CTCF: variants seen among roughly 807,000 people sequenced by gnomAD.
The protein encoded by CTCF is transcriptional repressor CTCF.
Under a neutral mutation model 72.3 loss-of-function variants are expected in CTCF, and 7 were observed. The observed-to-expected ratio is 0.10, with a 90% CI of 0.06 to 0.18. The LOEUF (loss-of-function observed/expected upper bound fraction) is 0.18, where lower values mean the gene tolerates loss of function less well. Among genes scored for constraint, CTCF ranks in the 10% least tolerant of loss-of-function variants. CTCF has a pLI of 1.00. For missense variants in CTCF, 516 were observed against 949.1 expected, an observed-to-expected ratio of 0.54 and a Z score of 6.00; for synonymous variants, 374 against 315.8, an observed-to-expected ratio of 1.18 and a Z score of -1.95.
chr16:67,619,826 G>A (rs1018799432), intron 5 of CTCF, among the ~76,000 whole-genome samples: 3 of 151,934 alleles, frequency 2.0e-5, no homozygotes, highest in East Asian at 3.9e-4. Context: ...TCAAGCAATC[G>A]CACGCCTTGG....
At position 67,562,736 on chromosome 16, in the gene CTCF, C is replaced by G. The variant is rs927736463; in HGVS notation, c.-127+12C>G. The G allele has an allele frequency of 4.8e-5, 7 of 145,392 alleles. No homozygotes were observed. Among genetic ancestry groups the G allele is most frequent in the Non-Finnish European group, 1.1e-4 (7 of 66,094 alleles). 9.0% of individuals were successfully genotyped at this position (145,392 alleles called of 1,614,324 possible). A position where few individuals can be genotyped will look rare whatever the true frequency, so the allele number is the denominator to read the frequency against. On this transcript the variant is annotated intron_variant, in intron 1 of 11. Coordinates refer to ENST00000264010, the MANE Select transcript of CTCF (RefSeq NM_006565.4). ...GGTGTGGCGCGGAGGTAAGGGGGCC[C>G]GGGGTGGAGGAGGTTTCGCGGGCCG...
At chr16:67,588,413 G>T (rs536839500) in intron 2 of CTCF, among the ~76,000 whole-genome samples, 1 of 152,246 alleles carries the variant, frequency 6.6e-6, no homozygotes, top group Non-Finnish European at 1.5e-5. Flanking sequence ...CTGCTTCCAG[G>T]GATATGGGTC....
In CTCF at chr16:67,612,057, C is replaced by T. The variant is rs1215273013; in HGVS notation, c.888C>T (p.Cys296=). 26 of 1,613,986 alleles carry T rather than the reference C, an allele frequency of 1.6e-5. No individual in the cohort carries two copies. The Middle Eastern group carries it at 4.9e-4, about 31-fold the overall frequency. ...KSHTDERPHK[C]HLCGRAFRTV... is the part of the protein sequence containing the mutation. ...ACACTGATGAGAGACCACACAAGTG[C>T]CATCTCTGTGGCAGGGCATTCAGAA... The change falls in exon 4 of 12, where the codon TGC becomes TGT. Residue 296 remains cysteine (C), a synonymous_variant. Transcript: ENST00000264010.
chr16:67,602,498 GA>G (rs2051906058), intron 2 of CTCF, among the ~76,000 whole-genome samples: 1 of 152,088 alleles, frequency 6.6e-6, no homozygotes, highest in Non-Finnish European at 1.5e-5. Flanking sequence ...CCTTTGCAGG[GA>G]TACTAACTTT....
At chr16:67,637,430 G>T (rs994930837) in intron 11 of CTCF, among the ~76,000 whole-genome samples, 2 of 152,200 alleles carry the variant, frequency 1.3e-5, no homozygotes, top group Admixed American at 1.3e-4. Flanking sequence ...TACTCAGGAG[G>T]CTGAGGCAGG....
chr16:67,578,497 G>A (rs1305882830), intron 2 of CTCF, among the ~76,000 whole-genome samples: 4 of 151,426 alleles, frequency 2.6e-5, no homozygotes, highest in Admixed American at 6.6e-5. Context: ...CATGCCCAGC[G>A]AATTTTTGTA....
At chr16:67,622,139 G>A (rs763018199) in intron 7 of CTCF, among the ~76,000 whole-genome samples, 5 of 152,050 alleles carry the variant, frequency 3.3e-5, no homozygotes, top group African/African-American at 4.8e-5. Context: ...GGTGGATCAC[G>A]AGGTCAGGCG....
chr16:67,601,217 GGTGTGTGTGTGTGTGTGTGT>G lies in CTCF; in HGVS notation c.-9-9588_-9-9569del, dbSNP rs59655549. On this transcript the variant is annotated intron_variant, in intron 2 of 11. Transcript: ENST00000264010. Reference sequence around the variant, plus strand: ...CACTGCTTGATGGAATGCACTAAGGGGTGTGTGTGTGTGTGTGTGTGTGTGTGTGTGTGTGTGTTTTGTTT... The same window carrying G: ...CACTGCTTGATGGAATGCACTAAGGGGTGTGTGTGTGTGTGTGTTTTGTTT... 2.2e-4 allele frequency among the ~76,000 whole-genome samples: 28 copies of G among 128,400 alleles called. No individual in the cohort carries two copies. In the South Asian group the frequency reaches 6.3e-3, roughly 29 times the overall value. 84.2% of individuals were successfully genotyped at this position (128,400 alleles called of 152,430 possible). A position where few individuals can be genotyped will look rare whatever the true frequency, so the allele number is the denominator to read the frequency against.
At chr16:67,581,950 G>GATCGGC (rs2051588821) in intron 2 of CTCF, among the ~76,000 whole-genome samples, 1 of 152,148 alleles carries the variant, frequency 6.6e-6, no homozygotes, top group Non-Finnish European at 1.5e-5. Flanking sequence ...TTGGCCGGGT[G>GATCGGC]CAGTGGCTCA....
At chr16:67,628,613 T>C in intron 9 of CTCF, 61 bp downstream of exon 9, 1 of 1,533,920 alleles carries the variant, frequency 6.5e-7, no homozygotes, top group Non-Finnish European at 9.0e-7. Context: ...TTGGTCTTCC[T>C]CTGCAGAGCA....
At chr16:67,578,110 T>C (rs980812313) in intron 2 of CTCF, among the ~76,000 whole-genome samples, 1 of 152,130 alleles carries the variant, frequency 6.6e-6, no homozygotes, top group Non-Finnish European at 1.5e-5. Context: ...AAACAAAATA[T>C]AATTGTGCTA....
chr16:67,576,738 G>A (rs1022695161), intron 2 of CTCF, among the ~76,000 whole-genome samples: 5 of 151,878 alleles, frequency 3.3e-5, no homozygotes, highest in Non-Finnish European at 7.4e-5. Context: ...CACCATGTTA[G>A]CCAGGATGGT....
At chr16:67,633,804 A>ACACACACACACACACTCT (rs1265384967) in intron 10 of CTCF, among the ~76,000 whole-genome samples, 20 of 151,898 alleles carry the variant, frequency 1.3e-4, no homozygotes, top group African/African-American at 4.8e-4. Flanking sequence ...ACACACACAC[A>ACACACACACACACACTCT]CACACACACA....
intron 1 of CTCF, chr16:67,564,034 C>T (rs560407351): frequency 1.3e-5 from 2 of 152,314 alleles, no homozygotes; most frequent in East Asian, 3.9e-4. Flanking sequence ...AGGAGACTTC[C>T]TGTAGCCCCG....
At chr16:67,635,229 C>T (rs751528060) in intron 10 of CTCF, among the ~76,000 whole-genome samples, 1 of 151,324 alleles carries the variant, frequency 6.6e-6, no homozygotes, top group South Asian at 2.1e-4. Flanking sequence ...ACCATGTTGA[C>T]GAGGATGGTC....
intron 1 of CTCF, among the ~76,000 whole-genome samples, chr16:67,569,981 C>T (rs1293195902): frequency 6.6e-6 from 1 of 152,092 alleles, no homozygotes; most frequent in African/African-American, 2.4e-5. Flanking sequence ...ATAGCCTTTA[C>T]TTGTGGCATG....
At chr16:67,582,618 G>A (rs940887884) in intron 2 of CTCF, among the ~76,000 whole-genome samples, 1 of 151,040 alleles carries the variant, frequency 6.6e-6, no homozygotes, top group African/African-American at 2.4e-5. Flanking sequence ...ACTTGAACCT[G>A]GGAGGCAGAG....
intron 2 of CTCF, among the ~76,000 whole-genome samples, chr16:67,586,799 T>C (rs1487360370): frequency 6.6e-6 from 1 of 152,156 alleles, no homozygotes; most frequent in Non-Finnish European, 1.5e-5. Context: ...TGTTGTTGTT[T>C]TGGGTTTTTT....
At chr16:67,624,127 ATATATATGTG>A (rs2052248337) in intron 7 of CTCF, among the ~76,000 whole-genome samples, 1 of 124,192 alleles carries the variant, frequency 8.1e-6, no homozygotes, top group South Asian at 2.5e-4. Context: ...ATGTGTGTGT[ATATATATGTG>A]TGTGTGTGTA....
Sources: gnomAD v4.1 joint callset for allele counts (sites outside exome capture counted in the v4.1 genomes callset) on GRCh38, gnomAD v4.1.1 for gene constraint, MANE v1.5 for transcripts, NCBI Gene and HGNC (gene_info 2026-07-23, HGNC 2026-07-21) for gene names.